WARS2: variants seen among roughly 807,000 people sequenced by gnomAD.
The protein encoded by WARS2 is tryptophan--tRNA ligase, mitochondrial.
A neutral mutation model predicts 36.5 loss-of-function variants in WARS2; 28 were observed. That is an observed-to-expected ratio of 0.77 (90% CI 0.57 to 1.05). The LOEUF (loss-of-function observed/expected upper bound fraction) is 1.05. Among genes scored for constraint, WARS2 ranks in the 50% least tolerant of loss-of-function variants. WARS2 has a pLI of 0.00. For missense variants in WARS2, 435 were observed against 456.8 expected, an observed-to-expected ratio of 0.95 and a Z score of 0.44; for synonymous variants, 174 against 178.4, an observed-to-expected ratio of 0.98 and a Z score of 0.20.
chr1:119,047,843 T>G (rs1027121368), intron 2 of WARS2, among the ~76,000 whole-genome samples: 2 of 152,246 alleles, frequency 1.3e-5, no homozygotes, highest in Non-Finnish European at 2.9e-5. Context: ...AGTGGCCTAT[T>G]GACCATCCAC....
In WARS2 at chr1:119,074,315, G is replaced by A. The variant is rs142702314; in HGVS notation, c.348+2035C>T. ...TAGAAGGCAAGACCTATACAGTAAG[G>A]ACCTACGGGGTAAGATACAAATGGT... On this transcript the variant is annotated intron_variant, in intron 2 of 5. Coordinates refer to ENST00000235521, the MANE Select transcript of WARS2 (RefSeq NM_015836.4). Among the ~76,000 whole-genome samples, 39 of 152,316 alleles carry A rather than the reference G, an allele frequency of 2.6e-4. No individual in the cohort carries two copies. In the East Asian group the frequency reaches 7.3e-3, roughly 29 times the overall value.
chr1:119,104,949 A>C (rs1452712050), intron 1 of WARS2, among the ~76,000 whole-genome samples: 1 of 152,116 alleles, frequency 6.6e-6, no homozygotes, highest in Non-Finnish European at 1.5e-5. Flanking sequence ...GAGGATTTTT[A>C]AGAAAGGAGT....
At chr1:119,040,737 A>G (rs985053815) in intron 4 of WARS2, among the ~76,000 whole-genome samples, 2 of 152,202 alleles carry the variant, frequency 1.3e-5, no homozygotes, top group African/African-American at 4.8e-5. Flanking sequence ...CCTGGCCTAT[A>G]TTTCATTTTA....
intron 1 of WARS2, among the ~76,000 whole-genome samples, chr1:119,093,338 T>G (rs1571347570): frequency 6.6e-6 from 1 of 151,866 alleles, no homozygotes; most frequent in African/African-American, 2.4e-5. Context: ...TACATGCCAT[T>G]TTTCTAGTGT....
chr1:119,089,179 A>C (rs1221019970), intron 1 of WARS2, among the ~76,000 whole-genome samples: 1 of 152,208 alleles, frequency 6.6e-6, no homozygotes, highest in South Asian at 2.1e-4. Context: ...TCCTGGCATA[A>C]AATAGTTTAC....
At chr1:119,057,258 G>T (rs975520188) in intron 2 of WARS2, among the ~76,000 whole-genome samples, 2 of 151,896 alleles carry the variant, frequency 1.3e-5, no homozygotes, top group Admixed American at 6.6e-5. Context: ...TGATTCTCCT[G>T]CCTCAGCCTC....
chr1:119,096,186 A>C (rs1383550854), intron 1 of WARS2, among the ~76,000 whole-genome samples: 2 of 152,208 alleles, frequency 1.3e-5, no homozygotes, highest in Non-Finnish European at 2.9e-5. Context: ...TTATTAAGTT[A>C]GCTTATAATG....
chr1:119,118,075 A>C (rs1027210810), intron 1 of WARS2, among the ~76,000 whole-genome samples: 1 of 152,202 alleles, frequency 6.6e-6, no homozygotes, highest in African/African-American at 2.4e-5. Flanking sequence ...CTCTAAACCA[A>C]GTAGAAATCT....
chr1:119,106,337 T>A (rs1209494128), intron 1 of WARS2, among the ~76,000 whole-genome samples: 3 of 152,186 alleles, frequency 2.0e-5, no homozygotes, highest in Non-Finnish European at 4.4e-5. Flanking sequence ...CTCCACAGTT[T>A]ACACTAGGGT....
intron 2 of WARS2, among the ~76,000 whole-genome samples, chr1:119,067,342 A>G (rs1650960269): frequency 1.3e-5 from 2 of 152,256 alleles, no homozygotes; most frequent in South Asian, 4.1e-4. Context: ...AAAAGTTTCT[A>G]TTATACTTGT....
intron 1 of WARS2, among the ~76,000 whole-genome samples, chr1:119,107,647 T>C (rs587714483): frequency 7.4e-4 from 111 of 150,344 alleles, no homozygotes; most frequent in Non-Finnish European, 1.3e-3. Context: ...AATGCACTCT[T>C]ATAGTTGGAG....
At chr1:119,049,578 C>T (rs559424483) in intron 2 of WARS2, among the ~76,000 whole-genome samples, 1 of 152,246 alleles carries the variant, frequency 6.6e-6, no homozygotes, top group Non-Finnish European at 1.5e-5. Flanking sequence ...TATTCAGCCT[C>T]TCTATCTGGA....
intron 1 of WARS2, among the ~76,000 whole-genome samples, chr1:119,132,272 A>T (rs587595870): frequency 2.1e-4 from 32 of 152,230 alleles, no homozygotes; most frequent in Non-Finnish European, 3.1e-4. Flanking sequence ...CAGTCAACTT[A>T]TTGAGTCTGG....
At chr1:119,134,870 A>G (rs1317097056) in intron 1 of WARS2, among the ~76,000 whole-genome samples, 1 of 152,236 alleles carries the variant, frequency 6.6e-6, no homozygotes, top group Admixed American at 6.5e-5. Flanking sequence ...GTATTAGAAT[A>G]GAGTCAAGAA....
intron 2 of WARS2, among the ~76,000 whole-genome samples, chr1:119,046,291 T>C (rs1377686878): frequency 1.1e-4 from 4 of 35,704 alleles, no homozygotes; most frequent in Admixed American, 6.6e-4. Context: ...TTCTGTTTTT[T>C]TTTTTTTTTT....
intron 1 of WARS2, among the ~76,000 whole-genome samples, chr1:119,089,227 C>T (rs587728414): frequency 1.6e-4 from 25 of 152,238 alleles, no homozygotes; most frequent in South Asian, 6.2e-4. Flanking sequence ...TTCACCTCTT[C>T]CAAGAGCAAA....
chr1:119,120,350 C>T (rs1257209987), intron 1 of WARS2, among the ~76,000 whole-genome samples: 1 of 151,176 alleles, frequency 6.6e-6, no homozygotes, highest in Non-Finnish European at 1.5e-5. Context: ...TAGATTAAAC[C>T]AGGAAGAAAC....
At chr1:119,037,140 T>C (rs1291355745) in intron 4 of WARS2, among the ~76,000 whole-genome samples, 1 of 152,210 alleles carries the variant, frequency 6.6e-6, no homozygotes, top group African/African-American at 2.4e-5. Flanking sequence ...TCTTTTTTTC[T>C]GTTTTCCTTT....
intron 1 of WARS2, among the ~76,000 whole-genome samples, chr1:119,102,573 T>C (rs1460552222): frequency 6.6e-6 from 1 of 152,196 alleles, no homozygotes; most frequent in Non-Finnish European, 1.5e-5. Context: ...TTTAACTCTT[T>C]ATCAGATCCT....
Sources: allele counts gnomAD v4.1 joint callset (sites outside exome capture counted in the v4.1 genomes callset), GRCh38; gene constraint gnomAD v4.1.1; transcripts MANE v1.5; gene names NCBI Gene and HGNC (gene_info 2026-07-23, HGNC 2026-07-21).